ALCAM: variants seen among roughly 807,000 people sequenced by gnomAD.
ALCAM encodes the protein CD166 antigen.
ALCAM carries 30 observed loss-of-function variants against 70.9 expected under a neutral mutation model. The ratio of observed to expected loss-of-function variants is 0.42; its 90% CI spans 0.32 to 0.57. The LOEUF is 0.57. Ranked by LOEUF, ALCAM falls within the 20% of genes least tolerant of loss-of-function variation. ALCAM has a pLI of 0.11. For synonymous variants in ALCAM, 249 were observed against 242.5 expected, an observed-to-expected ratio of 1.03 and a Z score of -0.25; for missense variants, 591 against 695.1, an observed-to-expected ratio of 0.85 and a Z score of 1.68.
intron 1 of ALCAM, among the ~76,000 whole-genome samples, chr3:105,430,649 G>A (rs569670647): frequency 2.6e-5 from 4 of 152,042 alleles, no homozygotes; most frequent in South Asian, 2.1e-4. Flanking sequence ...ATGAAGTTAC[G>A]CTTCTTCCCT....
intron 1 of ALCAM, among the ~76,000 whole-genome samples, chr3:105,504,642 C>A (rs1314997349): frequency 6.6e-6 from 1 of 152,194 alleles, no homozygotes; most frequent in African/African-American, 2.4e-5. Flanking sequence ...TTGTTCCCCC[C>A]ACCTTCCCCC....
At chr3:105,539,632 A>G (rs577449004) in intron 6 of ALCAM, among the ~76,000 whole-genome samples, 1 of 152,226 alleles carries the variant, frequency 6.6e-6, no homozygotes, top group African/African-American at 2.4e-5. Flanking sequence ...TAAGATTCAT[A>G]TAATATATAA....
chr3:105,401,676 T>A (rs1465979696), intron 1 of ALCAM, among the ~76,000 whole-genome samples: 1 of 152,106 alleles, frequency 6.6e-6, no homozygotes, highest in African/African-American at 2.4e-5. Context: ...GACTTCTTCA[T>A]ATTAAGTTGA....
intron 1 of ALCAM, among the ~76,000 whole-genome samples, chr3:105,503,108 T>C (rs746988576): frequency 6.6e-5 from 10 of 152,226 alleles, no homozygotes; most frequent in Non-Finnish European, 1.2e-4. Context: ...TAGTTTATAG[T>C]GTGTGGCAAA....
intron 14 of ALCAM, among the ~76,000 whole-genome samples, chr3:105,562,972 A>C (rs1336036954): frequency 6.6e-6 from 1 of 151,874 alleles, no homozygotes; most frequent in Non-Finnish European, 1.5e-5. Flanking sequence ...CGCCTGGCTA[A>C]TTTTTGTATT....
At chr3:105,423,006 T>A (rs1006188254) in intron 1 of ALCAM, among the ~76,000 whole-genome samples, 1 of 151,528 alleles carries the variant, frequency 6.6e-6, no homozygotes, top group South Asian at 2.1e-4. Flanking sequence ...ACTGGAATCT[T>A]CTAATGTAAG....
At chr3:105,405,410 A>G (rs925154385) in intron 1 of ALCAM, among the ~76,000 whole-genome samples, 1 of 152,118 alleles carries the variant, frequency 6.6e-6, no homozygotes, top group Non-Finnish European at 1.5e-5. Context: ...TAAAACAATT[A>G]CTACCAGACC....
rs747953101 is a variant in ALCAM, at chr3:105,541,721, T to C, written c.947T>C (p.Ile316Thr). 6.2e-7 allele frequency: 1 copy of C among 1,612,276 alleles called. No homozygotes were observed. The highest frequency in any genetic ancestry group is 8.5e-7 in the Non-Finnish European group (1 of 1,178,822). The stretch of plus-strand genomic sequence containing the variant: ...ACAGGAGACTACAAGTGTTCCCTGA[T>C]AGACAAAAAAAGCATGATTGCTTCA... The part of the protein sequence containing the change: ...NATGDYKCSL[I>T]DKKSMIASTA... Residue 316 changes from isoleucine (I) to threonine (T), a missense_variant, in exon 8 of 16, where the codon ATA becomes ACA. Ile to Thr is a moderately conservative substitution (Grantham distance 89, BLOSUM62 -1). This residue lies in a region of ALCAM where 427 missense variants were observed against 450.4 expected (regional missense o/e 0.95). Transcript: ENST00000306107.
At chr3:105,402,947 T>C (rs1327204773) in intron 1 of ALCAM, among the ~76,000 whole-genome samples, 3 of 149,894 alleles carry the variant, frequency 2.0e-5, no homozygotes, top group East Asian at 4.0e-4. Context: ...GCTTTTTTTT[T>C]TTTTTTTTTT....
chr3:105,499,896 A>G (rs1434589810), intron 1 of ALCAM, among the ~76,000 whole-genome samples: 1 of 152,188 alleles, frequency 6.6e-6, no homozygotes, highest in Non-Finnish European at 1.5e-5. Context: ...CCTCAGGGAG[A>G]ACTGCATTTC....
At chr3:105,563,203 G>GAA (rs1940664524) in intron 14 of ALCAM, among the ~76,000 whole-genome samples, 1 of 138,952 alleles carries the variant, frequency 7.2e-6, no homozygotes. Context: ...TGACATTTTT[G>GAA]CAAAAAAAAA....
chr3:105,507,261 G>C (rs553962826), intron 1 of ALCAM, among the ~76,000 whole-genome samples: 3 of 151,926 alleles, frequency 2.0e-5, no homozygotes, highest in Non-Finnish European at 4.4e-5. Flanking sequence ...TTGGTGAGCC[G>C]ATGTTGATAC....
At chr3:105,421,251 G>A (rs1235166215) in intron 1 of ALCAM, among the ~76,000 whole-genome samples, 1 of 151,336 alleles carries the variant, frequency 6.6e-6, no homozygotes, top group African/African-American at 2.4e-5. Flanking sequence ...TTGTCTGTCT[G>A]ATTGAATTAA....
Position 105,540,182 on chromosome 3 carries a change from G to GA in ALCAM, c.858+86dup, listed in dbSNP as rs373519238. 4.1e-5 allele frequency: 57 copies of GA among 1,379,860 alleles called. No homozygotes were observed. In the African/African-American group the frequency reaches 6.3e-4, roughly 15 times the overall value. 85.5% of individuals were successfully genotyped at this position (1,379,860 alleles called of 1,614,324 possible). On this transcript the variant is annotated intron_variant, in intron 7 of 15. Coordinates refer to ENST00000306107, the MANE Select transcript of ALCAM (RefSeq NM_001627.4). ...ACTTCTACATGGATAGATTAAGTGA[G>GA]AAAAAATGTTATTGCTGGAGACAAG...
At chr3:105,477,808 C>A (rs1938162056) in intron 1 of ALCAM, among the ~76,000 whole-genome samples, 1 of 151,928 alleles carries the variant, frequency 6.6e-6, no homozygotes, top group African/African-American at 2.4e-5. Context: ...TGTTTTATCT[C>A]TCTTGAAGTT....
intron 1 of ALCAM, among the ~76,000 whole-genome samples, chr3:105,464,823 T>C (rs1236367526): frequency 6.6e-6 from 1 of 151,352 alleles, no homozygotes; most frequent in Non-Finnish European, 1.5e-5. Flanking sequence ...AAAAATATAA[T>C]TTACATAAAG....
intron 8 of ALCAM, among the ~76,000 whole-genome samples, chr3:105,544,059 A>T (rs1320250931): frequency 6.6e-6 from 1 of 151,630 alleles, no homozygotes; most frequent in Non-Finnish European, 1.5e-5. Context: ...ACAAGTTGCA[A>T]TTATGACATT....
chr3:105,409,087 A>T lies in ALCAM; in HGVS notation c.73+41606A>T, dbSNP rs375868770. Among the ~76,000 whole-genome samples, 361 of 152,268 alleles carry T rather than the reference A, an allele frequency of 2.4e-3. 1 individual carries two copies. The highest frequency in any genetic ancestry group is 0.017 in the Middle Eastern group (5 of 294). ...GATGCAGTGAAAAGGGAACAGTTTT[A>T]TGCTGTTGGAGGGAATGTAAACTAG... On this transcript the variant is annotated intron_variant, in intron 1 of 15. Transcript: ENST00000306107.
intron 8 of ALCAM, chr3:105,544,729 C>A: frequency 6.1e-6 from 1 of 164,370 alleles, no homozygotes. Flanking sequence ...AATGGAATAG[C>A]ACTTTTTAAA....
Sources: allele counts gnomAD v4.1 joint callset (sites outside exome capture counted in the v4.1 genomes callset), GRCh38; gene constraint gnomAD v4.1.1; regional missense constraint gnomAD v4.1.1; transcripts MANE v1.5; gene names NCBI Gene and HGNC (gene_info 2026-07-23, HGNC 2026-07-21).